The following NLGN4X variants were observed in gnomAD, a reference collection of about 807,000 sequenced individuals.
NLGN4X encodes the protein neuroligin-4, X-linked.
NLGN4X carries 3 observed loss-of-function variants against 40.3 expected under a neutral mutation model. That is an observed-to-expected ratio of 0.07 (90% confidence interval 0.03 to 0.19). The LOEUF (loss-of-function observed/expected upper bound fraction) is 0.19, where lower values mean the gene tolerates loss of function less well. NLGN4X is among the 10% of genes least tolerant of loss of function. The pLI is 1.00. For synonymous variants in NLGN4X, 270 were observed against 306.8 expected, an observed-to-expected ratio of 0.88 and a Z score of 1.25; for missense variants, 382 against 708.3, an observed-to-expected ratio of 0.54 and a Z score of 5.23.
In NLGN4X at chrX:5,890,222, A is replaced by G. The variant is rs753579514; in HGVS notation, c.*2595T>C. On this transcript the variant is annotated 3_prime_UTR_variant, in exon 6 of 6. Transcript: ENST00000381095. ...TGAAGATCAAGAGTAAAAGCCTAGG[A>G]CAGGATTTTTTTTTTTCTTACTTTT... The G allele has an allele frequency of 1.0e-3, 183 of 176,291 alleles. 1 individual carries two copies. The highest frequency in any genetic ancestry group is 2.1e-3 in the Admixed American group (28 of 13,179). The allele number at this position is 176,291 out of a possible 1,213,427, so 14.5% of individuals were successfully genotyped here.
chrX:6,199,007 T>C (rs1197320464), intron 1 of NLGN4X, among the ~76,000 whole-genome samples: 2 of 112,127 alleles, frequency 1.8e-5, no homozygotes, highest in Non-Finnish European at 3.8e-5. Flanking sequence ...AGTGACCCCC[T>C]AAATTTCTAA....
chrX:5,892,119 T>C lies in NLGN4X; in HGVS notation c.*698A>G. ...AACCTTGCTAAAAGCTCTTTCAAAG[T>C]GAAAACACCAATAAAAGCTTTTTTT... On this transcript the variant is annotated 3_prime_UTR_variant, in exon 6 of 6. Coordinates refer to ENST00000381095, the MANE Select transcript of NLGN4X (RefSeq NM_181332.3). 1 of 120,188 alleles carries C rather than the reference T, an allele frequency of 8.3e-6. No individual in the cohort carries two copies. Among genetic ancestry groups the C allele is most frequent in the South Asian group, 3.0e-4 (1 of 3,336 alleles). 9.9% of individuals were successfully genotyped at this position (120,188 alleles called of 1,213,427 possible). A position where few individuals can be genotyped will look rare whatever the true frequency, so the allele number is the denominator to read the frequency against.
intron 2 of NLGN4X, among the ~76,000 whole-genome samples, chrX:6,046,673 G>A (rs1231335423): frequency 1.8e-5 from 2 of 110,369 alleles, no homozygotes; most frequent in Admixed American, 9.8e-5. Context: ...GCGCATAGAC[G>A]ATTATATGGT....
chrX:6,067,700 T>C (rs1253727532), intron 2 of NLGN4X, among the ~76,000 whole-genome samples: 1 of 111,345 alleles, frequency 9.0e-6, no homozygotes, highest in Admixed American at 9.6e-5. Flanking sequence ...TAATTATTTT[T>C]AACACTTACC....
chrX:6,208,894 A>C (rs1156723248), intron 1 of NLGN4X, among the ~76,000 whole-genome samples: 1 of 112,182 alleles, frequency 8.9e-6, no homozygotes, highest in Non-Finnish European at 1.9e-5. Context: ...CTACGCAAAT[A>C]AAAAGAAATC....
intron 2 of NLGN4X, among the ~76,000 whole-genome samples, chrX:6,082,991 G>A (rs886683863): frequency 3.7e-5 from 3 of 80,004 alleles, no homozygotes; most frequent in Non-Finnish European, 6.8e-5. Flanking sequence ...ACGGAGTCTC[G>A]CTGTCGCCCA....
chrX:6,094,023 T>C (rs2038701425), intron 2 of NLGN4X, among the ~76,000 whole-genome samples: 1 of 112,007 alleles, frequency 8.9e-6, no homozygotes, highest in Admixed American at 9.5e-5. Context: ...TAACCGATGA[T>C]TTGATAGACA....
intron 2 of NLGN4X, among the ~76,000 whole-genome samples, chrX:6,121,999 G>C (rs1195214413): frequency 1.8e-5 from 2 of 112,539 alleles, no homozygotes; most frequent in Non-Finnish European, 3.8e-5. Context: ...AAAAGAATCA[G>C]GCTGGCGAAA....
chrX:5,899,467 TA>T (rs1415253527), intron 5 of NLGN4X, among the ~76,000 whole-genome samples: 1 of 111,693 alleles, frequency 9.0e-6, no homozygotes, highest in African/African-American at 3.3e-5. Flanking sequence ...ATGTATTCCC[TA>T]AATGCAGGGT....
chrX:6,116,946 A>G (rs757841573), intron 2 of NLGN4X, among the ~76,000 whole-genome samples: 3 of 111,898 alleles, frequency 2.7e-5, no homozygotes, highest in Non-Finnish European at 5.6e-5. Flanking sequence ...ACTGCCAGGT[A>G]GTAGATACGA....
intron 3 of NLGN4X, among the ~76,000 whole-genome samples, chrX:5,925,879 CACATATAT>C (rs1426919992): frequency 0.013 from 621 of 46,767 alleles, 55 homozygotes; most frequent in East Asian, 0.024. Context: ...TATACATACA[CACATATAT>C]ATATATATAT....
chrX:5,945,514 A>C (rs1277146497), intron 3 of NLGN4X, among the ~76,000 whole-genome samples: 1 of 111,943 alleles, frequency 8.9e-6, no homozygotes, highest in African/African-American at 3.3e-5. Flanking sequence ...TGGCGCAGTG[A>C]AAAGGTATTT....
chrX:5,983,816 T>A (rs186139984), intron 3 of NLGN4X, among the ~76,000 whole-genome samples: 2 of 111,557 alleles, frequency 1.8e-5, no homozygotes, highest in Non-Finnish European at 3.8e-5. Context: ...CATGGTGGCA[T>A]GTGACTGTAG....
rs764848260 is a variant in NLGN4X at position 6,045,158 on chromosome X, C to T, written c.473-15726G>A. Among the ~76,000 whole-genome samples, 5 of 112,233 alleles carry T rather than the reference C, an allele frequency of 4.5e-5. No individual in the cohort carries two copies. The South Asian group carries it at 1.5e-3, about 33-fold the overall frequency. On this transcript the variant is annotated intron_variant, in intron 2 of 5. Transcript: ENST00000381095. ...CAAAAAGTGATTGTTTCAGGAGATA[C>T]TATGTGAACACTGCATCTACTGAAA...
At chrX:5,911,839 T>A (rs2032490803) in intron 3 of NLGN4X, among the ~76,000 whole-genome samples, 1 of 111,970 alleles carries the variant, frequency 8.9e-6, no homozygotes, top group Admixed American at 9.5e-5. Context: ...CTGTTCTTGA[T>A]CATTCCTGGG....
intron 3 of NLGN4X, among the ~76,000 whole-genome samples, chrX:6,010,005 C>T (rs775855563): frequency 9.8e-5 from 11 of 112,223 alleles, no homozygotes; most frequent in Non-Finnish European, 1.7e-4. Flanking sequence ...ATGTATCCCA[C>T]GTCCAGTTAT....
intron 2 of NLGN4X, among the ~76,000 whole-genome samples, chrX:6,100,995 T>C (rs1195604733): frequency 9.0e-6 from 1 of 110,906 alleles, no homozygotes; most frequent in African/African-American, 3.3e-5. Context: ...AGGGGAATTG[T>C]GGCAGTCCCA....
At chrX:6,019,506 G>A (rs754510608) in intron 3 of NLGN4X, among the ~76,000 whole-genome samples, 5 of 111,350 alleles carry the variant, frequency 4.5e-5, no homozygotes, top group Non-Finnish European at 9.4e-5. Flanking sequence ...TATCCTACTC[G>A]AAAGGACTAA....
intron 2 of NLGN4X, among the ~76,000 whole-genome samples, chrX:6,083,152 G>A (rs756542057): frequency 1.0e-5 from 1 of 99,528 alleles, no homozygotes; most frequent in East Asian, 3.0e-4. Flanking sequence ...TAGAGACGGG[G>A]TTTCACCGTG....
Sources: allele counts gnomAD v4.1 joint callset (sites outside exome capture counted in the v4.1 genomes callset), GRCh38; gene constraint gnomAD v4.1.1; transcripts MANE v1.5; gene names NCBI Gene and HGNC (gene_info 2026-07-23, HGNC 2026-07-21).